Variants in UNC13B observed in about 807,000 individuals in gnomAD.
UNC13B encodes protein unc-13 homolog B.
A neutral mutation model predicts 211.0 loss-of-function variants in UNC13B; 144 were observed. The observed-to-expected ratio is 0.68, with a 90% CI of 0.60 to 0.78. UNC13B has a LOEUF of 0.78. UNC13B is among the 30% of genes least tolerant of loss of function. The pLI is 0.00. For missense variants in UNC13B, 1,777 were observed against 2,002.0 expected, an observed-to-expected ratio of 0.89 and a Z score of 2.14; for synonymous variants, 709 against 725.8, an observed-to-expected ratio of 0.98 and a Z score of 0.37.
intron 1 of UNC13B, among the ~76,000 whole-genome samples, chr9:35,199,431 A>G (rs953044647): frequency 2.0e-5 from 3 of 152,156 alleles, no homozygotes; most frequent in Non-Finnish European, 2.9e-5. Flanking sequence ...GTCTTCCACA[A>G]TGGTTGAACT....
intron 1 of UNC13B, among the ~76,000 whole-genome samples, chr9:35,211,107 T>G (rs2131416954): frequency 6.6e-6 from 1 of 152,340 alleles, no homozygotes; most frequent in East Asian, 1.9e-4. Context: ...ATATTTTAAG[T>G]CAGCATCCTA....
In UNC13B at chr9:35,231,150, T is replaced by A; in HGVS notation, c.83T>A (p.Val28Glu). Residue 28 changes from valine (V) to glutamate (E), a missense_variant, in exon 3 of 40, where the codon GTA becomes GAA. By Grantham distance (121) the Val-to-Glu change is moderately radical (BLOSUM62 -2). Coordinates refer to ENST00000635942, the MANE Select transcript of UNC13B (RefSeq NM_001371189.2). ...TTTAACACATATGTGACCCTGAAAG[T>A]ACAGAATGTGAAGAGCACAACTGTA... ...DKFNTYVTLK[V>E]QNVKSTTVAV... 3.1e-6 allele frequency: 5 copies of A among 1,613,332 alleles called. No individual in the cohort carries two copies. Among genetic ancestry groups the A allele is most frequent in the Non-Finnish European group, 4.2e-6 (5 of 1,179,426 alleles).
At chr9:35,243,410 C>A in intron 6 of UNC13B, 46 bp downstream of exon 6, 1 of 1,601,514 alleles carries the variant, frequency 6.2e-7, no homozygotes, top group Non-Finnish European at 8.5e-7. Flanking sequence ...GGGAAAATCT[C>A]CAATGCTCTT....
At chr9:35,232,863 A>G (rs1825292193) in intron 3 of UNC13B, among the ~76,000 whole-genome samples, 1 of 152,194 alleles carries the variant, frequency 6.6e-6, no homozygotes, top group South Asian at 2.1e-4. Context: ...GGACTGGAGT[A>G]GAAGCTGGAG....
At chr9:35,360,167 C>A (rs993701316) in intron 11 of UNC13B, among the ~76,000 whole-genome samples, 1 of 152,196 alleles carries the variant, frequency 6.6e-6, no homozygotes, top group Admixed American at 6.5e-5. Flanking sequence ...GCCCTAACAA[C>A]CATTTTTTGG....
In UNC13B at chr9:35,358,919, C is replaced by T. The variant is rs529502732; in HGVS notation, c.9415-8028C>T. 3.9e-5 allele frequency among the ~76,000 whole-genome samples: 6 copies of T among 151,960 alleles called. No homozygotes were observed. The South Asian group carries it at 8.3e-4, about 21-fold the overall frequency. Reference sequence around the variant, plus strand: ...TTCACCATGTTGGCCAGGCTGGTCTCGAACTCCTGACCTGAAGTGATCTTC... The same window carrying T: ...TTCACCATGTTGGCCAGGCTGGTCTTGAACTCCTGACCTGAAGTGATCTTC... On this transcript the variant is annotated intron_variant, in intron 11 of 39. Coordinates refer to ENST00000635942, the MANE Select transcript of UNC13B (RefSeq NM_001371189.2).
chr9:35,337,092 CT>C (rs796273914), intron 11 of UNC13B, among the ~76,000 whole-genome samples: 93 of 145,200 alleles, frequency 6.4e-4, no homozygotes, highest in East Asian at 2.0e-3. Flanking sequence ...AGAACTAGGA[CT>C]TTTTTTTTTT....
chr9:35,257,516 G>C (rs537282836), intron 6 of UNC13B, among the ~76,000 whole-genome samples: 9 of 138,090 alleles, frequency 6.5e-5, no homozygotes, highest in Non-Finnish European at 1.4e-4. Flanking sequence ...AGGAGGCGAA[G>C]GTTGCAGTGA....
intron 11 of UNC13B, among the ~76,000 whole-genome samples, chr9:35,355,414 A>G (rs1832964620): frequency 6.6e-6 from 1 of 152,230 alleles, no homozygotes; most frequent in Non-Finnish European, 1.5e-5. Context: ...AATGAAAATT[A>G]CGTCATTCTC....
intron 10 of UNC13B, among the ~76,000 whole-genome samples, chr9:35,311,666 A>G (rs1437844335): frequency 6.6e-6 from 1 of 152,252 alleles, no homozygotes; most frequent in African/African-American, 2.4e-5. Flanking sequence ...CCATTGGAAA[A>G]TAACAGTGAT....
intron 1 of UNC13B, among the ~76,000 whole-genome samples, chr9:35,167,593 T>G (rs114106692): frequency 0.013 from 1,844 of 146,538 alleles, 42 homozygotes; most frequent in African/African-American, 0.044. Flanking sequence ...TAGGTTTTTT[T>G]TTTTTTTTTT....
At chr9:35,248,561 G>C (rs1826247746) in intron 6 of UNC13B, among the ~76,000 whole-genome samples, 2 of 151,984 alleles carry the variant, frequency 1.3e-5, no homozygotes, top group Admixed American at 1.3e-4. Context: ...TTGTGTCTTT[G>C]TTCTCGTTGG....
intron 12 of UNC13B, among the ~76,000 whole-genome samples, chr9:35,367,468 A>G (rs1833846340): frequency 6.6e-6 from 1 of 152,164 alleles, no homozygotes; most frequent in Non-Finnish European, 1.5e-5. Flanking sequence ...TAAATGGGGT[A>G]TCCATCACTT....
In UNC13B at chr9:35,227,403, T is replaced by C. The variant is rs376977863; in HGVS notation, c.23-612T>C. 6.6e-5 allele frequency among the ~76,000 whole-genome samples: 10 copies of C among 152,178 alleles called. No individual in the cohort carries two copies. The East Asian group carries it at 1.9e-3, about 29-fold the overall frequency. On this transcript the variant is annotated intron_variant, in intron 1 of 39. Coordinates refer to ENST00000635942, the MANE Select transcript of UNC13B (RefSeq NM_001371189.2). ...GCTCTAATCTTCTTTGATAGCTACT[T>C]GGTGCTTTCTGAGATTTAGCAGTTT...
intron 11 of UNC13B, among the ~76,000 whole-genome samples, chr9:35,359,902 A>G (rs1833291172): frequency 6.6e-6 from 1 of 152,164 alleles, no homozygotes. Context: ...AGCATGAGTC[A>G]GGTTATATCA....
chr9:35,164,188 T>G (rs887313487), intron 1 of UNC13B, among the ~76,000 whole-genome samples: 17 of 152,200 alleles, frequency 1.1e-4, no homozygotes, highest in African/African-American at 4.1e-4. Flanking sequence ...GGCTAATTTT[T>G]GTATTTTTTG....
intron 1 of UNC13B, among the ~76,000 whole-genome samples, chr9:35,175,001 T>G (rs1449993537): frequency 6.6e-6 from 1 of 151,892 alleles, no homozygotes; most frequent in African/African-American, 2.4e-5. Flanking sequence ...TTTTGCCATG[T>G]GGCTGAGGCT....
rs768868887 is a variant in UNC13B, at chr9:35,237,821, C to G, written c.389C>G (p.Pro130Arg). The G allele has an allele frequency of 6.2e-7, 1 of 1,602,666 alleles. No homozygotes were observed. The highest frequency in any genetic ancestry group is 1.1e-5 in the South Asian group (1 of 88,894). Residue 130 changes from proline to arginine, a missense_variant, in exon 5 of 40, where the codon CCT becomes CGT. Transcript: ENST00000635942. ...TTGCTTGATACAAGATTTGAGTTGC[C>G]TTTTGGTGAGTAAAATTTTAAAACT... ...KILLDTRFEL[P>R]FDIPEEEARY...
intron 5 of UNC13B, 93 bp from the exon 6 acceptor site, chr9:35,243,198 C>T (rs1430899149): frequency 1.6e-6 from 2 of 1,272,340 alleles, no homozygotes; most frequent in Admixed American, 1.7e-5. Context: ...CACCTTCTGA[C>T]TTCAGTCATT....
Sources: gnomAD v4.1 joint callset for allele counts (sites outside exome capture counted in the v4.1 genomes callset) on GRCh38, gnomAD v4.1.1 for gene constraint, MANE v1.5 for transcripts, NCBI Gene and HGNC (gene_info 2026-07-23, HGNC 2026-07-21) for gene names.